The following EML1 variants were observed in gnomAD, a reference collection of about 807,000 sequenced individuals.
EML1 encodes the protein EMAP like 1.
In EML1, 27 loss-of-function variants were observed where a neutral mutation model predicts 110.4. The observed-to-expected ratio is 0.24, with a 90% CI of 0.18 to 0.34. The LOEUF is 0.34. EML1 is among the 10% of genes least tolerant of loss of function. The pLI is 1.00. For synonymous variants in EML1, 344 were observed against 385.8 expected (o/e 0.89, Z 1.27); for missense variants, 741 against 1,030.9 (o/e 0.72, Z 3.85).
intron 3 of EML1, among the ~76,000 whole-genome samples, chr14:99,866,102 G>T (rs2059093464): frequency 6.6e-6 from 1 of 152,200 alleles, no homozygotes; most frequent in African/African-American, 2.4e-5. Flanking sequence ...AAAGAGCACA[G>T]TTTGCTCTTA....
intron 9 of EML1, among the ~76,000 whole-genome samples, chr14:99,902,010 G>A (rs955435180): frequency 2.6e-5 from 4 of 152,112 alleles, no homozygotes; most frequent in Non-Finnish European, 4.4e-5. Flanking sequence ...ACTTCTTCGG[G>A]CTGAATAGGG....
chr14:99,918,523 A>G (rs1323775178), intron 16 of EML1, among the ~76,000 whole-genome samples: 4 of 152,094 alleles, frequency 2.6e-5, no homozygotes, highest in Non-Finnish European at 1.5e-5. Context: ...GCATTTAAAA[A>G]TGCTTTTTCT....
At chr14:99,807,851 G>T (rs1462727227) in intron 1 of EML1, among the ~76,000 whole-genome samples, 1 of 152,150 alleles carries the variant, frequency 6.6e-6, no homozygotes, top group African/African-American at 2.4e-5. Flanking sequence ...TTACAGCTGG[G>T]TTGACTTATC....
intron 9 of EML1, among the ~76,000 whole-genome samples, chr14:99,903,801 T>TTTTTA (rs759566913): frequency 2.0e-5 from 3 of 147,768 alleles, no homozygotes; most frequent in Admixed American, 6.8e-5. Flanking sequence ...TTTTTTTTTT[T>TTTTTA]GAGACAGAGT....
chr14:99,829,180 C>CAACT (rs377192264), intron 1 of EML1, among the ~76,000 whole-genome samples: 6 of 152,206 alleles, frequency 3.9e-5, no homozygotes, highest in African/African-American at 1.2e-4. Flanking sequence ...TCTGTTTGAC[C>CAACT]AACTCCTTTT....
chr14:99,875,070 G>T, intron 3 of EML1: 1 of 1,267,844 alleles, frequency 7.9e-7, no homozygotes, highest in Non-Finnish European at 1.1e-6. Flanking sequence ...TAGCTTCAAG[G>T]TCTTGTCCAG....
intron 1 of EML1, among the ~76,000 whole-genome samples, chr14:99,756,637 T>C (rs1972482): frequency 6.6e-6 from 1 of 152,032 alleles, no homozygotes; most frequent in Non-Finnish European, 1.5e-5. Context: ...TTTGGCCCAG[T>C]GGTTCTCAAA....
chr14:99,785,455 C>T (rs963305999), intron 1 of EML1, among the ~76,000 whole-genome samples: 3 of 152,176 alleles, frequency 2.0e-5, no homozygotes, highest in African/African-American at 7.2e-5. Context: ...CAAGAGATGG[C>T]AAGAGACTGT....
At position 99,781,803 on chromosome 14, in the gene EML1, G is replaced by A. The variant is rs1286456902; in HGVS notation, c.-27+7790G>A. Among the ~76,000 whole-genome samples, 1 of 152,100 alleles carries A rather than the reference G, an allele frequency of 6.6e-6. No individual in the cohort carries two copies. The highest frequency in any genetic ancestry group is 2.4e-5 in the African/African-American group (1 of 41,420). ...TGTCTCATCAGTTTCCAGACATACT[G>A]AGTATGCATTTCTAGCCTCTTTCCC... On this transcript the variant is annotated intron_variant, in intron 1 of 22. Transcript: ENST00000327921. The surrounding 1 kb of genome is among the most constrained non-coding windows in gnomAD (Gnocchi z 4.2).
intron 2 of EML1, among the ~76,000 whole-genome samples, chr14:99,852,647 A>G (rs953308954): frequency 6.6e-6 from 1 of 152,238 alleles, no homozygotes; most frequent in Non-Finnish European, 1.5e-5. Flanking sequence ...TTGTTATTTC[A>G]ATTTAACAAA....
chr14:99,870,237 A>G (rs192191299), intron 3 of EML1, among the ~76,000 whole-genome samples: 1 of 152,246 alleles, frequency 6.6e-6, no homozygotes, highest in African/African-American at 2.4e-5. Context: ...CCCTTAAGCC[A>G]AAGCCTAATA....
At chr14:99,858,452 T>A (rs938028988) in intron 2 of EML1, among the ~76,000 whole-genome samples, 5 of 152,194 alleles carry the variant, frequency 3.3e-5, no homozygotes, top group African/African-American at 4.8e-5. Flanking sequence ...CCCAAAGTGC[T>A]AGGATTACAG....
upstream of EML1, chr14:99,793,263 G>T: frequency 2.2e-6 from 2 of 918,268 alleles, no homozygotes; most frequent in Non-Finnish European, 2.6e-6. Context: ...CGCGGCCGCC[G>T]AGGCCGCCCC....
At chr14:99,786,322 G>A (rs1401119873) in intron 1 of EML1, among the ~76,000 whole-genome samples, 2 of 152,222 alleles carry the variant, frequency 1.3e-5, no homozygotes, top group Non-Finnish European at 2.9e-5. Flanking sequence ...GAGAAGATGT[G>A]TGTTCTCTTC....
chr14:99,768,738 A>G (rs1374158830), upstream of EML1, among the ~76,000 whole-genome samples: 1 of 144,692 alleles, frequency 6.9e-6, no homozygotes. Flanking sequence ...TTTTTTTCTC[A>G]GATGGAGTCT....
At chr14:99,908,642 T>G (rs913128553) in intron 10 of EML1, among the ~76,000 whole-genome samples, 7 of 152,194 alleles carry the variant, frequency 4.6e-5, no homozygotes, top group African/African-American at 1.7e-4. Context: ...GAAGCAGTGA[T>G]CAGAGCCCAA....
At chr14:99,789,518 T>C (rs2057637460), upstream of EML1, among the ~76,000 whole-genome samples, 1 of 152,220 alleles carries the variant, frequency 6.6e-6, no homozygotes, top group Admixed American at 6.5e-5. Flanking sequence ...CTCTATTTCA[T>C]TTTAAACCTT....
At chr14:99,921,080 C>T (rs1483136015) in intron 17 of EML1, among the ~76,000 whole-genome samples, 4 of 152,124 alleles carry the variant, frequency 2.6e-5, no homozygotes, top group African/African-American at 9.7e-5. Context: ...CCCTCGCCCC[C>T]CTCCAACAGG....
At chr14:99,910,687 T>C (rs1442213481) in intron 12 of EML1, among the ~76,000 whole-genome samples, 1 of 152,248 alleles carries the variant, frequency 6.6e-6, no homozygotes, top group Non-Finnish European at 1.5e-5. Flanking sequence ...GTTACTATCC[T>C]GATTTATCTA....
Sources: allele counts gnomAD v4.1 joint callset (sites outside exome capture counted in the v4.1 genomes callset), GRCh38; gene constraint gnomAD v4.1.1; non-coding constraint Gnocchi (gnomAD v3.1); transcripts MANE v1.5; gene names NCBI Gene and HGNC (gene_info 2026-07-23, HGNC 2026-07-21).